Variants in CD86 observed in about 807,000 individuals in gnomAD.
CD86 encodes the protein CD86 molecule, also known as T-lymphocyte activation antigen CD86.
In CD86, 11 loss-of-function variants were observed where a neutral mutation model predicts 32.1. The observed-to-expected ratio is 0.34, with a 90% confidence interval of 0.22 to 0.57. The LOEUF (loss-of-function observed/expected upper bound fraction) is 0.57. Ranked by LOEUF, CD86 falls within the 20% of genes least tolerant of loss-of-function variation. The probability of loss-of-function intolerance (pLI) is 0.86; values close to 1 mark genes in which losing one functional copy is unlikely to be tolerated. For synonymous variants in CD86, 137 were observed against 135.3 expected (o/e 1.01, Z -0.09); for missense variants, 359 against 398.4 (o/e 0.90, Z 0.84).
At chr3:122,074,899 A>G (rs1264598110) in intron 1 of CD86, among the ~76,000 whole-genome samples, 13 of 152,116 alleles carry the variant, frequency 8.5e-5, no homozygotes, top group Admixed American at 8.5e-4. Flanking sequence ...CTCACCAAAC[A>G]CAAGGAACTG....
At chr3:122,100,312 G>T (rs949664667) in intron 2 of CD86, among the ~76,000 whole-genome samples, 1 of 152,192 alleles carries the variant, frequency 6.6e-6, no homozygotes, top group Non-Finnish European at 1.5e-5. Context: ...TCCCCACAAA[G>T]TGTGATAAAA....
chr3:122,077,844 A>T (rs2072575311), intron 1 of CD86: 2 of 985,342 alleles, frequency 2.0e-6, no homozygotes, highest in African/African-American at 1.7e-5. Flanking sequence ...TTCTCTAGTC[A>T]GTTCCCCTTT....
chr3:122,080,718 T>G (rs1424387339), intron 1 of CD86, among the ~76,000 whole-genome samples: 1 of 152,068 alleles, frequency 6.6e-6, no homozygotes, highest in Non-Finnish European at 1.5e-5. Context: ...ATAAGGGGGA[T>G]TTGCTCCAAG....
At chr3:122,102,394 C>A (rs866329405) in intron 2 of CD86, among the ~76,000 whole-genome samples, 10 of 151,114 alleles carry the variant, frequency 6.6e-5, no homozygotes, top group Middle Eastern at 6.9e-3. Flanking sequence ...ACTTCTCACC[C>A]ACCACTGCTT....
chr3:122,115,160 T>C (rs753790245), intron 5 of CD86, among the ~76,000 whole-genome samples: 2 of 152,228 alleles, frequency 1.3e-5, no homozygotes, highest in Admixed American at 6.5e-5. Flanking sequence ...TAAGTGAGTG[T>C]AGCAAAGACA....
chr3:122,081,441 G>A (rs1156647233), intron 1 of CD86, among the ~76,000 whole-genome samples: 3 of 152,232 alleles, frequency 2.0e-5, no homozygotes, highest in Non-Finnish European at 2.9e-5. Flanking sequence ...TCTTTCGGAA[G>A]CATCAGTTCT....
At chr3:122,079,729 C>T (rs1229190925) in intron 1 of CD86, among the ~76,000 whole-genome samples, 3 of 152,128 alleles carry the variant, frequency 2.0e-5, no homozygotes, top group East Asian at 1.9e-4. Context: ...GGGAAATAGG[C>T]GCCATTTTGA....
chr3:122,084,960 C>T lies in CD86; in HGVS notation c.15-6641C>T, dbSNP rs542874423. ...TTATGGGCTCTCAAAGTACCATGAA[C>T]CTCTCTTTTGTAGCACTTGTCATAG... On this transcript the variant is annotated intron_variant, in intron 1 of 6. Coordinates refer to ENST00000330540, the MANE Select transcript of CD86 (RefSeq NM_175862.5). Among the ~76,000 whole-genome samples, 5 of 152,242 alleles carry T rather than the reference C, an allele frequency of 3.3e-5. No individual in the cohort carries two copies. The South Asian group carries it at 1.0e-3, about 32-fold the overall frequency.
rs771222249 is a variant in CD86, at chr3:122,106,408, C to G, written c.611C>G (p.Ser204Cys). ...TELYDVSISLSVSFPDVTSNM... is the reference protein window; with the variant it reads ...TELYDVSISLCVSFPDVTSNM... ...CTGTACGACGTTTCCATCAGCTTGTCTGTTTCATTCCCTGATGTTACGAGC... is the reference window on the plus strand; with the variant it reads ...CTGTACGACGTTTCCATCAGCTTGTGTGTTTCATTCCCTGATGTTACGAGC... The change falls in exon 4 of 7, where the codon TCT becomes TGT. Residue 204 changes from serine to cysteine, a missense_variant. Physicochemically the swap from Ser to Cys is moderately radical, Grantham distance 112. Transcript: ENST00000330540. 21 of 1,613,926 alleles carry G rather than the reference C, an allele frequency of 1.3e-5. No individual in the cohort carries two copies. The highest frequency in any genetic ancestry group is 1.7e-5 in the Non-Finnish European group (20 of 1,179,914).
At chr3:122,100,102 C>T (rs755643114) in intron 2 of CD86, among the ~76,000 whole-genome samples, 7 of 152,104 alleles carry the variant, frequency 4.6e-5, no homozygotes, top group Middle Eastern at 3.2e-3. Context: ...AAATAGTCTG[C>T]GGGTGTAGAC....
At chr3:122,089,904 A>G (rs940090615) in intron 1 of CD86, among the ~76,000 whole-genome samples, 1 of 152,254 alleles carries the variant, frequency 6.6e-6, no homozygotes, top group Non-Finnish European at 1.5e-5. Context: ...TCTCCAAGGT[A>G]GTCATATGTG....
intron 1 of CD86, among the ~76,000 whole-genome samples, chr3:122,084,990 T>C (rs1252835518): frequency 6.6e-6 from 1 of 152,222 alleles, no homozygotes; most frequent in Middle Eastern, 3.2e-3. Flanking sequence ...TCATAGCTAG[T>C]TTTACATTTC....
chr3:122,117,082 T>C (rs781440079), intron 5 of CD86, among the ~76,000 whole-genome samples: 1 of 152,158 alleles, frequency 6.6e-6, no homozygotes, highest in Non-Finnish European at 1.5e-5. Context: ...ATTTCAATAG[T>C]TTTTGGGGAA....
intron 1 of CD86, among the ~76,000 whole-genome samples, chr3:122,081,641 C>T (rs2072635705): frequency 6.6e-6 from 1 of 152,214 alleles, no homozygotes; most frequent in Non-Finnish European, 1.5e-5. Context: ...GACTGTTAAA[C>T]AGTGCAGTGG....
intron 1 of CD86, among the ~76,000 whole-genome samples, chr3:122,064,084 A>C (rs540520342): frequency 6.6e-6 from 1 of 152,102 alleles, no homozygotes; most frequent in Non-Finnish European, 1.5e-5. Flanking sequence ...AGGGGAAGGG[A>C]AAGTGTCTTT....
At chr3:122,065,913 A>G (rs2072406521) in intron 1 of CD86, among the ~76,000 whole-genome samples, 1 of 152,176 alleles carries the variant, frequency 6.6e-6, no homozygotes, top group South Asian at 2.1e-4. Flanking sequence ...TGAAGGAAAC[A>G]GAGAGTTTAG....
At chr3:122,062,823 A>G (rs2072357803) in intron 1 of CD86, among the ~76,000 whole-genome samples, 1 of 152,238 alleles carries the variant, frequency 6.6e-6, no homozygotes, top group Admixed American at 6.5e-5. Flanking sequence ...TCCTATGGAT[A>G]TAAGATATTT....
At chr3:122,106,578 G>A (rs936476879) in intron 4 of CD86, 78 bp downstream of exon 4, 23 of 1,294,972 alleles carry the variant, frequency 1.8e-5, no homozygotes, top group African/African-American at 1.3e-4. Context: ...CAATGTCCCC[G>A]ACTTGCTAGG....
chr3:122,080,681 G>A (rs543998290), intron 1 of CD86, among the ~76,000 whole-genome samples: 47 of 152,194 alleles, frequency 3.1e-4, no homozygotes, highest in African/African-American at 1.1e-3. Context: ...ACAAGCATTC[G>A]GTCAGAAAAA....
Sources: allele counts gnomAD v4.1 joint callset (sites outside exome capture counted in the v4.1 genomes callset), GRCh38; gene constraint gnomAD v4.1.1; transcripts MANE v1.5; gene names NCBI Gene and HGNC (gene_info 2026-07-23, HGNC 2026-07-21).